CCDC150: variants seen among roughly 807,000 people sequenced by gnomAD.
CCDC150 encodes the protein coiled-coil domain containing 150.
Under a neutral mutation model 156.5 loss-of-function variants are expected in CCDC150, and 151 were observed. That is an observed-to-expected ratio of 0.97 (90% CI 0.85 to 1.10). CCDC150 has a LOEUF of 1.10. Ranked by LOEUF, CCDC150 falls within the 50% of genes least tolerant of loss-of-function variation. The pLI, the probability that CCDC150 is intolerant of heterozygous loss-of-function variation, is 0.00. For missense variants in CCDC150, 1,312 were observed against 1,268.1 expected (o/e 1.03, Z -0.53); for synonymous variants, 452 against 429.4 (o/e 1.05, Z -0.65).
chr2:196,677,236 C>T (rs1263107744), intron 12 of CCDC150, 57 bp from the exon 13 acceptor site: 4 of 1,081,392 alleles, frequency 3.7e-6, no homozygotes, highest in Non-Finnish European at 5.6e-6. Context: ...TATAGTGGAG[C>T]CTGTCAGCTG....
At chr2:196,713,306 A>T (rs1465864291) in intron 17 of CCDC150, 1 of 1,426,012 alleles carries the variant, frequency 7.0e-7, no homozygotes, top group African/African-American at 1.4e-5. Flanking sequence ...CTATTCCTTG[A>T]AAAATAACTC....
chr2:196,725,835 G>A (rs1309906996), intron 21 of CCDC150, 138 bp from the exon 22 acceptor site: 8 of 637,782 alleles, frequency 1.3e-5, no homozygotes, highest in Non-Finnish European at 1.8e-5. Flanking sequence ...CCAAATTAGT[G>A]AGGTTCACCA....
chr2:196,718,408 A>C (rs1169746832), intron 17 of CCDC150, 95 bp from the exon 18 acceptor site: 5 of 977,798 alleles, frequency 5.1e-6, no homozygotes, highest in Non-Finnish European at 7.4e-6. Flanking sequence ...GTGAATAAAT[A>C]TATTTAAACA....
chr2:196,653,957 AG>A (rs1693031214), intron 2 of CCDC150, among the ~76,000 whole-genome samples: 1 of 152,242 alleles, frequency 6.6e-6, no homozygotes, highest in Admixed American at 6.5e-5. Context: ...TCCTGGTGGA[AG>A]GCAAAGGGGG....
chr2:196,664,651 A>G (rs1461427418), intron 5 of CCDC150, among the ~76,000 whole-genome samples: 1 of 152,146 alleles, frequency 6.6e-6, no homozygotes, highest in African/African-American at 2.4e-5. Flanking sequence ...TTGATGATCA[A>G]CTTACCTTTC....
Position 196,729,274 on chromosome 2 carries a change from G to C in CCDC150, c.2638G>C (p.Glu880Gln), listed in dbSNP as rs1698397553. ...TNRELRQKLA[E>Q]LEKILESNKE... ...CCGAGAGCTGCGACAGAAACTTGCA[G>C]AGCTAGAAAAAATACTAGAAAGTAA... Residue 880 changes from glutamate to glutamine, a missense_variant, in exon 23 of 28, where the codon GAG (glutamate) becomes CAG (glutamine). Physicochemically the swap from Glu to Gln is conservative, Grantham distance 29. Transcript: ENST00000389175. The C allele has an allele frequency of 6.2e-7, 1 of 1,613,616 alleles. No homozygotes were observed. The highest frequency in any genetic ancestry group is 1.3e-5 in the African/African-American group (1 of 74,850).
chr2:196,705,811 C>A (rs994980118), intron 15 of CCDC150, among the ~76,000 whole-genome samples: 1 of 152,172 alleles, frequency 6.6e-6, no homozygotes, highest in African/African-American at 2.4e-5. Flanking sequence ...AATAGGAAAT[C>A]CTTTCCCCAT....
At chr2:196,675,646 G>A (rs1694451870) in intron 10 of CCDC150, among the ~76,000 whole-genome samples, 1 of 152,048 alleles carries the variant, frequency 6.6e-6, no homozygotes, top group African/African-American at 2.4e-5. Context: ...AACATTATCT[G>A]AGTGCAATTT....
chr2:196,672,436 A>T lies in CCDC150; in HGVS notation c.1028A>T (p.Gln343Leu), dbSNP rs900893560. 6.8e-7 allele frequency: 1 copy of T among 1,463,908 alleles called. No homozygotes were observed. Among genetic ancestry groups the T allele is most frequent in the Non-Finnish European group, 9.1e-7 (1 of 1,101,476 alleles). 90.7% of individuals were successfully genotyped at this position (1,463,908 alleles called of 1,614,324 possible). A position where few individuals can be genotyped will look rare whatever the true frequency, so the allele number is the denominator to read the frequency against. The change falls in exon 9 of 28, where the codon CAA becomes CTA. Residue 343 changes from glutamine to leucine, a missense_variant and splice_region_variant. Transcript: ENST00000389175. ...MSLHEASEKA[Q>L]VLNDQLTKKC... ...CTTCATGAAGCATCAGAAAAAGCACAAGTAAATGCTCATGATTTTGTTAGT... is the reference window on the plus strand; with the variant it reads ...CTTCATGAAGCATCAGAAAAAGCACTAGTAAATGCTCATGATTTTGTTAGT...
intron 18 of CCDC150, 25 bp from the exon 19 acceptor site, chr2:196,719,472 T>C (rs768505948): frequency 6.3e-7 from 1 of 1,593,652 alleles, no homozygotes; most frequent in Non-Finnish European, 8.5e-7. Context: ...ATCAAATGTC[T>C]TTGTGTTGTT....
chr2:196,718,708 G>C, intron 18 of CCDC150, 77 bp downstream of exon 18: 1 of 1,508,874 alleles, frequency 6.6e-7, no homozygotes, highest in Non-Finnish European at 8.9e-7. Context: ...CATATGTTTC[G>C]CTTTCTTGCT....
intron 14 of CCDC150, among the ~76,000 whole-genome samples, chr2:196,697,588 AG>A (rs1361419870): frequency 1.3e-5 from 2 of 152,226 alleles, no homozygotes; most frequent in Non-Finnish European, 2.9e-5. Context: ...TCTTAAAACC[AG>A]GATGACATTG....
intron 12 of CCDC150, 27 bp from the exon 13 acceptor site, chr2:196,677,266 C>T (rs1559235329): frequency 4.0e-6 from 6 of 1,506,624 alleles, no homozygotes; most frequent in Non-Finnish European, 3.6e-6. Context: ...TGACCTATTC[C>T]TTTTTTTTCC....
chr2:196,691,646 T>A (rs1027594569), intron 13 of CCDC150, among the ~76,000 whole-genome samples: 201 of 151,708 alleles, frequency 1.3e-3, no homozygotes, highest in East Asian at 3.1e-3. Context: ...TTTTTTTTTT[T>A]TAAAACAGCT....
At chr2:196,679,641 G>T (rs1694702471) in intron 13 of CCDC150, among the ~76,000 whole-genome samples, 1 of 152,158 alleles carries the variant, frequency 6.6e-6, no homozygotes, top group South Asian at 2.1e-4. Flanking sequence ...TCAAGAGTTG[G>T]ATTTCTGGTT....
In CCDC150 at chr2:196,720,597, C is replaced by G; in HGVS notation, c.2188C>G (p.Gln730Glu). 1 of 1,613,712 alleles carries G rather than the reference C, an allele frequency of 6.2e-7. No homozygotes were observed. The highest frequency in any genetic ancestry group is 8.5e-7 in the Non-Finnish European group (1 of 1,179,716). Residue 730 changes from glutamine (Q) to glutamate (E), a missense_variant, in exon 20 of 28, where the codon CAG becomes GAG. By Grantham distance (29) the Gln-to-Glu change is conservative. Transcript: ENST00000389175. ...KERDLNQQRV[Q>E]KLEAEVDQWQ... ...TAGGGATCTCAATCAACAGAGGGTG[C>G]AGAAGCTGGAAGCTGAAGTGGACCA...
intron 8 of CCDC150, among the ~76,000 whole-genome samples, chr2:196,671,594 A>C (rs894088933): frequency 1.6e-5 from 1 of 61,102 alleles, no homozygotes. Flanking sequence ...CGCCTGGCTA[A>C]TTTTTGTATT....
At chr2:196,677,601 G>C (rs942240195) in intron 13 of CCDC150, among the ~76,000 whole-genome samples, 2 of 152,182 alleles carry the variant, frequency 1.3e-5, no homozygotes, top group African/African-American at 2.4e-5. Context: ...TCTGGCCCTA[G>C]TGTTAACTGA....
At chr2:196,719,435 C>A in intron 18 of CCDC150, 62 bp from the exon 19 acceptor site, 1 of 1,389,284 alleles carries the variant, frequency 7.2e-7, no homozygotes, top group Non-Finnish European at 9.6e-7. Context: ...GTAATGAGAT[C>A]CACAAGCAGA....
Sources: allele counts gnomAD v4.1 joint callset (sites outside exome capture counted in the v4.1 genomes callset), GRCh38; gene constraint gnomAD v4.1.1; transcripts MANE v1.5; gene names NCBI Gene and HGNC (gene_info 2026-07-23, HGNC 2026-07-21).